The following RTEL1 variants were observed in gnomAD, a reference collection of about 807,000 sequenced individuals.
The protein encoded by RTEL1 is regulator of telomere elongation helicase 1.
Under a neutral mutation model 162.2 loss-of-function variants are expected in RTEL1, and 86 were observed. The observed-to-expected ratio is 0.53, with a 90% CI of 0.45 to 0.63. The LOEUF is 0.63. Among genes scored for constraint, RTEL1 ranks in the 30% least tolerant of loss-of-function variants. The pLI is 0.00. For synonymous variants in RTEL1, 958 were observed against 717.9 expected (o/e 1.33, Z -5.35); for missense variants, 1,941 against 1,750.2 (o/e 1.11, Z -1.95).
rs561093507 is a variant in RTEL1 at position 63,682,402 on chromosome 20, C to T, written c.1191+1683C>T. 5.1e-6 allele frequency: 5 copies of T among 985,158 alleles called. No individual in the cohort carries two copies. The South Asian group carries it at 2.3e-4, about 46-fold the overall frequency. 61.0% of individuals were successfully genotyped at this position (985,158 alleles called of 1,614,324 possible). A position where few individuals can be genotyped will look rare whatever the true frequency, so the allele number is the denominator to read the frequency against. ...CTGGAACCGGATCCTGGAACGCGGC[C>T]TCCCAGCCTCCCACTTAAGGAGAAG... On this transcript the variant is annotated intron_variant, in intron 14 of 34. Transcript: ENST00000360203.
At chr20:63,676,159 C>G (rs1394665860) in intron 10 of RTEL1, among the ~76,000 whole-genome samples, 1 of 152,160 alleles carries the variant, frequency 6.6e-6, no homozygotes, top group Admixed American at 6.5e-5. Flanking sequence ...GCCTCCACCT[C>G]CTGCAGCCTC....
chr20:63,685,449 T>C, intron 14 of RTEL1, 74 bp from the exon 15 acceptor site: 1 of 1,462,686 alleles, frequency 6.8e-7, no homozygotes, highest in Non-Finnish European at 9.4e-7. Context: ...TGACCTTCTG[T>C]GTATGCGGCT....
chr20:63,676,331 G>A (rs936035132), intron 10 of RTEL1, among the ~76,000 whole-genome samples: 2 of 152,164 alleles, frequency 1.3e-5, no homozygotes, highest in Admixed American at 6.5e-5. Context: ...TACAGGAGGG[G>A]CAGCCACACG....
chr20:63,663,939 AG>A (rs1396134994), intron 6 of RTEL1, among the ~76,000 whole-genome samples: 2 of 152,052 alleles, frequency 1.3e-5, no homozygotes, highest in Non-Finnish European at 2.9e-5. Context: ...TGGCCCTTGG[AG>A]GGACAGGGTG....
rs200565373 is a variant in RTEL1, at chr20:63,691,809, G to A, written c.2624G>A (p.Arg875Lys). ...CCGGCAGAAGAACCGCGAGGAGGGA[G>A]GAAGAAGATCCGGCTGGTCAGCCAC... Reference protein sequence around the residue: ...KRPAEEPRGGRKKIRLVSHPE... With the variant: ...KRPAEEPRGGKKKIRLVSHPE... Residue 875 changes from arginine (R) to lysine (K), a missense_variant, in exon 28 of 35, where the codon AGG becomes AAG. By Grantham distance (26) the Arg-to-Lys change is conservative. Coordinates refer to ENST00000360203, the MANE Select transcript of RTEL1 (RefSeq NM_001283009.2). 2.9e-5 allele frequency: 47 copies of A among 1,612,176 alleles called. No homozygotes were observed. In the Middle Eastern group the frequency reaches 5.0e-4, roughly 17 times the overall value.
chr20:63,689,324 C>T (rs1461625466), intron 22 of RTEL1, among the ~76,000 whole-genome samples, 178 bp from the exon 23 acceptor site: 2 of 152,184 alleles, frequency 1.3e-5, no homozygotes, highest in Non-Finnish European at 2.9e-5. Context: ...TTCCTGGCCA[C>T]AAGAGTTGGA....
intron 10 of RTEL1, among the ~76,000 whole-genome samples, chr20:63,675,678 T>C (rs1349828569): frequency 6.6e-6 from 1 of 152,126 alleles, no homozygotes; most frequent in Admixed American, 6.5e-5. Flanking sequence ...TGCCACCGGC[T>C]CTCAAGATTG....
chr20:63,692,098 G>C (rs2090760932), intron 28 of RTEL1: 1 of 448,294 alleles, frequency 2.2e-6, no homozygotes, highest in Non-Finnish European at 4.1e-6. Context: ...GCTTGGCCCT[G>C]GCATTTCCCT....
intron 10 of RTEL1, among the ~76,000 whole-genome samples, chr20:63,676,139 G>A (rs1023532648): frequency 6.6e-6 from 1 of 151,974 alleles, no homozygotes; most frequent in African/African-American, 2.4e-5. Context: ...TGCCATCACG[G>A]CTCACTGCAG....
intron 30 of RTEL1, chr20:63,694,171 G>T (rs961078655): frequency 1.4e-5 from 8 of 590,472 alleles, no homozygotes; most frequent in Non-Finnish European, 6.1e-6. Flanking sequence ...GCTTTGGCCT[G>T]CCCGCCACTG....
At chr20:63,689,962 C>G in intron 24 of RTEL1, 97 bp downstream of exon 24, 1 of 1,551,910 alleles carries the variant, frequency 6.4e-7, no homozygotes, top group Non-Finnish European at 8.7e-7. Context: ...CCCGTCTCCT[C>G]CAGAGCCTCT....
chr20:63,682,891 C>G (rs1338281786), intron 14 of RTEL1, among the ~76,000 whole-genome samples: 1 of 152,338 alleles, frequency 6.6e-6, no homozygotes, highest in South Asian at 2.1e-4. Context: ...CCCCTGGGCC[C>G]CCGTGAGACT....
intron 30 of RTEL1, among the ~76,000 whole-genome samples, chr20:63,693,618 T>TCCA (rs1568721213): frequency 0.012 from 23 of 1,902 alleles, 1 homozygote; most frequent in East Asian, 0.038. Context: ...CACCTCCACC[T>TCCA]CCACCACCAC....
At chr20:63,694,579 C>T (rs2090921041) in intron 31 of RTEL1, 91 bp downstream of exon 31, 2 of 1,289,272 alleles carry the variant, frequency 1.6e-6, no homozygotes, top group Non-Finnish European at 1.1e-6. Context: ...CCGGGGCTGC[C>T]CCTGTGGGGA....
At chr20:63,688,699 G>A (rs1601165934) in intron 21 of RTEL1, 94 bp downstream of exon 21, 2 of 1,163,976 alleles carry the variant, frequency 1.7e-6, no homozygotes, top group East Asian at 5.1e-5. Flanking sequence ...CCCTGACCAT[G>A]GGCTCCGGCG....
chr20:63,680,307 C>G (rs2090454123), intron 13 of RTEL1, among the ~76,000 whole-genome samples: 1 of 152,224 alleles, frequency 6.6e-6, no homozygotes, highest in Non-Finnish European at 1.5e-5. Context: ...GGCGGTGTCC[C>G]CATGGGCTGC....
chr20:63,692,594 C>T, intron 28 of RTEL1: 1 of 597,466 alleles, frequency 1.7e-6, no homozygotes, highest in South Asian at 2.0e-5. Context: ...CTGCCAGCCT[C>T]TCACTGTGTG....
intron 13 of RTEL1, among the ~76,000 whole-genome samples, chr20:63,680,415 T>C (rs371825751): frequency 1.5e-4 from 23 of 152,126 alleles, no homozygotes; most frequent in East Asian, 1.2e-3. Context: ...TAGGCGACCA[T>C]AGAGCCTCTT....
At chr20:63,684,541 G>C (rs914913675) in intron 14 of RTEL1, among the ~76,000 whole-genome samples, 2 of 151,986 alleles carry the variant, frequency 1.3e-5, no homozygotes, top group Admixed American at 1.3e-4. Context: ...TTTTAGTAGA[G>C]ACGAGGTTTC....
Sources: allele counts gnomAD v4.1 joint callset (sites outside exome capture counted in the v4.1 genomes callset), GRCh38; gene constraint gnomAD v4.1.1; transcripts MANE v1.5; gene names NCBI Gene and HGNC (gene_info 2026-07-23, HGNC 2026-07-21).